The following POP1 variants were observed in gnomAD, a reference collection of about 807,000 sequenced individuals.
POP1 encodes ribonucleases P/MRP protein subunit POP1.
POP1 carries 75 observed loss-of-function variants against 102.2 expected under a neutral mutation model. The observed-to-expected ratio is 0.73, with a 90% CI of 0.61 to 0.89. The LOEUF is 0.89. POP1 is among the 40% of genes least tolerant of loss of function. The pLI, the probability that POP1 is intolerant of heterozygous loss-of-function variation, is 0.00. For missense variants in POP1, 1,116 were observed against 1,267.4 expected, an observed-to-expected ratio of 0.88 and a Z score of 1.81; for synonymous variants, 436 against 464.1, an observed-to-expected ratio of 0.94 and a Z score of 0.78.
chr8:98,118,784 T>C (rs1815926082), intron 1 of POP1, among the ~76,000 whole-genome samples: 1 of 152,052 alleles, frequency 6.6e-6, no homozygotes, highest in African/African-American at 2.4e-5. Context: ...AATTTAGTAT[T>C]TTATTATATG....
intron 11 of POP1, among the ~76,000 whole-genome samples, chr8:98,146,264 C>T (rs1452192619): frequency 6.6e-6 from 1 of 152,112 alleles, no homozygotes; most frequent in Non-Finnish European, 1.5e-5. Context: ...TGCCGTGGCT[C>T]CTAGAATTTG....
At position 98,117,313 on chromosome 8, in the gene POP1, T is replaced by G. The variant is rs139031026; in HGVS notation, c.-80T>G. The stretch of plus-strand genomic sequence containing the variant: ...GGCGCATGCGCTCTCCAGCGCGCTC[T>G]CCAGGAGCTTTGGCTCGGTGGGTAC... On this transcript the variant is annotated 5_prime_UTR_variant, in exon 1 of 16. Transcript: ENST00000401707. 142 of 585,292 alleles carry G rather than the reference T, an allele frequency of 2.4e-4. No homozygotes were observed. The highest frequency in any genetic ancestry group is 1.1e-3 in the South Asian group (54 of 50,656). The allele number at this position is 585,292 out of a possible 1,614,324, so 36.3% of individuals were successfully genotyped here.
intron 1 of POP1, among the ~76,000 whole-genome samples, chr8:98,119,634 A>G (rs185548683): frequency 3.9e-4 from 59 of 152,070 alleles, no homozygotes; most frequent in African/African-American, 1.4e-3. Context: ...GAGTGCAGTA[A>G]TGTGATCAAG....
At position 98,146,549 on chromosome 8, in the gene POP1, T is replaced by A; in HGVS notation, c.1595-19T>A. 1.3e-6 allele frequency: 2 copies of A among 1,566,382 alleles called. No individual in the cohort carries two copies. The highest frequency in any genetic ancestry group is 2.2e-5 in the East Asian group (1 of 44,614). ...GATCTGAAGGATGTGGTTTGAAGGCTATTTCTTTTCCCTCTTAGATAATGA... is the reference window on the plus strand; with the variant it reads ...GATCTGAAGGATGTGGTTTGAAGGCAATTTCTTTTCCCTCTTAGATAATGA... On this transcript the variant is annotated intron_variant, in intron 11 of 15. Coordinates refer to ENST00000401707, the MANE Select transcript of POP1 (RefSeq NM_001145860.2).
Position 98,148,970 on chromosome 8 carries a change from C to T in POP1, c.1866C>T (p.Leu622=), listed in dbSNP as rs147131748. 9 of 1,613,476 alleles carry T rather than the reference C, an allele frequency of 5.6e-6. No homozygotes were observed. Among genetic ancestry groups the T allele is most frequent in the African/African-American group, 1.3e-5 (1 of 74,908 alleles). The change falls in exon 13 of 16, where the codon CTC becomes CTT. Residue 622 remains leucine (L), a synonymous_variant. Coordinates refer to ENST00000401707, the MANE Select transcript of POP1 (RefSeq NM_001145860.2). ...LGWGSGWDVL[L]PKGWGMAFWI... Reference sequence around the variant, plus strand: ...GGGGAAGTGGCTGGGATGTCCTACTCCCAAAGGGCTGGGGCATGGCTTTCT... The same window carrying T: ...GGGGAAGTGGCTGGGATGTCCTACTTCCAAAGGGCTGGGGCATGGCTTTCT...
rs1466032785 is a variant in POP1, at chr8:98,158,969, T to C, written c.*698T>C. 6.6e-6 allele frequency: 1 copy of C among 152,210 alleles called. No homozygotes were observed. Among genetic ancestry groups the C allele is most frequent in the Non-Finnish European group, 1.5e-5 (1 of 68,048 alleles). 9.4% of individuals were successfully genotyped at this position (152,210 alleles called of 1,614,324 possible). A position where few individuals can be genotyped will look rare whatever the true frequency, so the allele number is the denominator to read the frequency against. ...TTTTTTAAGTAAAAAATTATTATTA[T>C]TTTGTTTCTGCAAAGATTTTCTCAA... On this transcript the variant is annotated 3_prime_UTR_variant, in exon 16 of 16. Transcript: ENST00000401707.
intron 4 of POP1, 123 bp from the exon 5 acceptor site, chr8:98,129,855 G>A (rs1816324747): frequency 5.3e-6 from 6 of 1,140,110 alleles, no homozygotes; most frequent in Non-Finnish European, 7.7e-6. Flanking sequence ...AACAATTTAA[G>A]CAAACTAATG....
At position 98,155,933 on chromosome 8, in the gene POP1, G is replaced by C. The variant is rs1809636179; in HGVS notation, c.2058-117G>C. On this transcript the variant is annotated intron_variant, in intron 14 of 15. Coordinates refer to ENST00000401707, the MANE Select transcript of POP1 (RefSeq NM_001145860.2). ...TTTGTGTGTGTGTGTGTGTGTGTGT[G>C]TGTGTGTGTGTGTGTGTGTGTGTTT... 3.7e-6 allele frequency: 3 copies of C among 815,780 alleles called. No individual in the cohort carries two copies. In the South Asian group the frequency reaches 4.3e-5, roughly 12 times the overall value. 50.5% of individuals were successfully genotyped at this position (815,780 alleles called of 1,614,324 possible). A position where few individuals can be genotyped will look rare whatever the true frequency, so the allele number is the denominator to read the frequency against.
chr8:98,146,430 T>C (rs1484126653), intron 11 of POP1, 138 bp from the exon 12 acceptor site: 2 of 723,346 alleles, frequency 2.8e-6, no homozygotes, highest in African/African-American at 3.5e-5. Context: ...ACTTAATTTC[T>C]TGTCAAGTAA....
At chr8:98,123,571 GATC>G in intron 2 of POP1, 92 bp downstream of exon 2, 1 of 1,137,556 alleles carries the variant, frequency 8.8e-7, no homozygotes, top group Non-Finnish European at 1.3e-6. Flanking sequence ...GAGGTCAAGA[GATC>G]AAGACCATCC....
chr8:98,141,424 T>C (rs1816700565), intron 11 of POP1, among the ~76,000 whole-genome samples: 1 of 152,216 alleles, frequency 6.6e-6, no homozygotes, highest in South Asian at 2.1e-4. Context: ...TTTGTTCTGA[T>C]ATGAGATTGG....
At chr8:98,144,483 T>C (rs1016435393) in intron 11 of POP1, among the ~76,000 whole-genome samples, 2 of 152,004 alleles carry the variant, frequency 1.3e-5, no homozygotes, top group African/African-American at 4.8e-5. Context: ...CTAAATTGCC[T>C]AGGCTGGTCT....
intron 11 of POP1, among the ~76,000 whole-genome samples, chr8:98,143,481 G>A (rs572179244): frequency 6.6e-5 from 10 of 152,138 alleles, no homozygotes; most frequent in African/African-American, 2.4e-4. Flanking sequence ...AGAGTGGTAC[G>A]TTTGTTACAA....
intron 1 of POP1, among the ~76,000 whole-genome samples, chr8:98,118,261 C>G (rs909697445): frequency 5.3e-5 from 8 of 152,294 alleles, no homozygotes; most frequent in Middle Eastern, 3.4e-3. Context: ...CATCTACTCC[C>G]TTTTCCCACT....
chr8:98,121,174 A>G (rs1277998966), intron 1 of POP1, among the ~76,000 whole-genome samples: 1 of 152,222 alleles, frequency 6.6e-6, no homozygotes, highest in Non-Finnish European at 1.5e-5. Context: ...ATGTAACTAA[A>G]AAGTGTAAAG....
At position 98,150,658 on chromosome 8, in the gene POP1, T is replaced by C. The variant is rs1206112681; in HGVS notation, c.2057+19T>C. On this transcript the variant is annotated intron_variant, in intron 14 of 15. Coordinates refer to ENST00000401707, the MANE Select transcript of POP1 (RefSeq NM_001145860.2). ...ACAAAAGGTAAGAAACTGGCTTCTC[T>C]AATTTGATAATGTATTAAGGAAAAG... 2 of 1,611,326 alleles carry C rather than the reference T, an allele frequency of 1.2e-6. No homozygotes were observed. The highest frequency in any genetic ancestry group is 1.7e-6 in the Non-Finnish European group (2 of 1,177,954).
rs560906969 is a variant in POP1, at chr8:98,136,909, C to G, written c.1317C>G (p.Ser439=). The G allele has an allele frequency of 6.2e-7, 1 of 1,613,690 alleles. No homozygotes were observed. Among genetic ancestry groups the G allele is most frequent in the South Asian group, 1.1e-5 (1 of 91,070 alleles). Residue 439 remains serine (S), a synonymous_variant, in exon 9 of 16, where the codon TCC becomes TCG. Transcript: ENST00000401707. ...MNRFRLIGPL[S]HSILTEAIKA... is the part of the protein sequence containing the mutation. ...GATTCCGGCTGATTGGGCCACTTTC[C>G]CACTCCATCCTAACTGAAGCAATAA...
intron 15 of POP1, 25 bp from the exon 16 acceptor site, chr8:98,157,592 A>G: frequency 1.2e-6 from 2 of 1,613,500 alleles, no homozygotes; most frequent in Non-Finnish European, 1.7e-6. Flanking sequence ...AATATCCTCA[A>G]ACGTATGTCT....
intron 14 of POP1, among the ~76,000 whole-genome samples, chr8:98,154,953 TAAAA>T (rs1446696645): frequency 6.6e-6 from 1 of 152,122 alleles, no homozygotes; most frequent in East Asian, 1.9e-4. Flanking sequence ...TAAAAATAAA[TAAAA>T]AGAAAGAAAT....
Sources: allele counts gnomAD v4.1 joint callset (sites outside exome capture counted in the v4.1 genomes callset), GRCh38; gene constraint gnomAD v4.1.1; transcripts MANE v1.5; gene names NCBI Gene and HGNC (gene_info 2026-07-23, HGNC 2026-07-21).